SNTG1: variants seen among roughly 807,000 people sequenced by gnomAD.
SNTG1 encodes syntrophin gamma 1.
Under a neutral mutation model 74.7 loss-of-function variants are expected in SNTG1, and 39 were observed. The ratio of observed to expected loss-of-function variants is 0.52; its 90% CI spans 0.40 to 0.68. The LOEUF is 0.68. Ranked by LOEUF, SNTG1 falls within the 30% of genes least tolerant of loss-of-function variation. SNTG1 has a pLI of 0.00. For synonymous variants in SNTG1, 254 were observed against 217.1 expected, an observed-to-expected ratio of 1.17 and a Z score of -1.49; for missense variants, 685 against 609.5, an observed-to-expected ratio of 1.12 and a Z score of -1.30.
intron 1 of SNTG1, among the ~76,000 whole-genome samples, chr8:49,952,777 T>G (rs903311393): frequency 1.3e-5 from 2 of 152,174 alleles, no homozygotes; most frequent in Non-Finnish European, 2.9e-5. Flanking sequence ...CAGAGTTAAA[T>G]ATATAGGACT....
intron 2 of SNTG1, among the ~76,000 whole-genome samples, chr8:50,324,136 T>G (rs1191824552): frequency 6.6e-6 from 1 of 152,136 alleles, no homozygotes; most frequent in Non-Finnish European, 1.5e-5. Flanking sequence ...CAGAGAAACT[T>G]CCAACTGCTG....
chr8:50,556,075 A>C (rs1378834151), intron 12 of SNTG1, among the ~76,000 whole-genome samples: 1 of 152,184 alleles, frequency 6.6e-6, no homozygotes, highest in South Asian at 2.1e-4. Context: ...TCTTCCAGAA[A>C]TAATTGATCA....
At chr8:50,298,733 T>C (rs1019995082) in intron 2 of SNTG1, among the ~76,000 whole-genome samples, 2 of 152,160 alleles carry the variant, frequency 1.3e-5, no homozygotes, top group Non-Finnish European at 2.9e-5. Flanking sequence ...CCTTATTGTA[T>C]GTGAAGAGTG....
chr8:50,691,721 T>C (rs1305182405), intron 15 of SNTG1, among the ~76,000 whole-genome samples: 1 of 152,190 alleles, frequency 6.6e-6, no homozygotes, highest in Non-Finnish European at 1.5e-5. Context: ...CTGAAAATTG[T>C]GTGTCTTGGA....
chr8:50,174,944 G>A (rs560619016), intron 2 of SNTG1, among the ~76,000 whole-genome samples: 1 of 143,442 alleles, frequency 7.0e-6, no homozygotes, highest in African/African-American at 2.6e-5. Context: ...TTCCACCTAT[G>A]AGTGAGAACA....
chr8:49,911,661 C>T lies in SNTG1; in HGVS notation c.-673C>T, dbSNP rs1172496693. The stretch of plus-strand genomic sequence containing the variant: ...ATTCGCTGGTGGAGGAAAGTGCGAC[C>T]TGGACCTGCGCTTAGGGGCTCCCGT... On this transcript the variant is annotated 5_prime_UTR_variant, in exon 1 of 19. Coordinates refer to ENST00000642720, the MANE Select transcript of SNTG1 (RefSeq NM_018967.5). The T allele has an allele frequency of 6.6e-6, 1 of 152,306 alleles. No individual in the cohort carries two copies. Among genetic ancestry groups the T allele is most frequent in the African/African-American group, 2.4e-5 (1 of 41,440 alleles). 9.4% of individuals were successfully genotyped at this position (152,306 alleles called of 1,614,324 possible).
At chr8:50,043,992 C>T (rs1273327006) in intron 1 of SNTG1, among the ~76,000 whole-genome samples, 2 of 152,134 alleles carry the variant, frequency 1.3e-5, no homozygotes, top group African/African-American at 2.4e-5. Context: ...TCTATGATAA[C>T]ACTAATCACA....
intron 12 of SNTG1, among the ~76,000 whole-genome samples, chr8:50,583,151 T>C (rs2094622219): frequency 6.6e-6 from 1 of 151,982 alleles, no homozygotes; most frequent in Admixed American, 6.6e-5. Context: ...CCTGTAATCT[T>C]AAGTACTTTG....
chr8:50,380,399 G>A (rs2092460856), intron 2 of SNTG1, among the ~76,000 whole-genome samples: 1 of 152,110 alleles, frequency 6.6e-6, no homozygotes, highest in Non-Finnish European at 1.5e-5. Flanking sequence ...CAAAGAGATA[G>A]GAGATAAATT....
At chr8:50,450,274 G>A (rs770058392) in intron 6 of SNTG1, among the ~76,000 whole-genome samples, 24 of 152,284 alleles carry the variant, frequency 1.6e-4, no homozygotes, top group East Asian at 7.7e-4. Flanking sequence ...TCTTAAGTGC[G>A]TGAGAAAATG....
chr8:50,563,699 A>G (rs1563581003), intron 12 of SNTG1, among the ~76,000 whole-genome samples: 1 of 152,146 alleles, frequency 6.6e-6, no homozygotes, highest in Non-Finnish European at 1.5e-5. Flanking sequence ...TCTAGTTGCA[A>G]ATCAAGACAA....
chr8:50,006,578 A>C (rs1156595433), intron 1 of SNTG1, among the ~76,000 whole-genome samples: 1 of 152,200 alleles, frequency 6.6e-6, no homozygotes, highest in Non-Finnish European at 1.5e-5. Flanking sequence ...GTTTGGATTT[A>C]GCACATAGGT....
At chr8:50,722,697 G>A (rs2095490681) in intron 17 of SNTG1, among the ~76,000 whole-genome samples, 1 of 152,146 alleles carries the variant, frequency 6.6e-6, no homozygotes, top group Non-Finnish European at 1.5e-5. Flanking sequence ...GCCATTGACA[G>A]TCTTCAATGA....
chr8:50,577,020 T>C (rs1422271134), intron 12 of SNTG1, among the ~76,000 whole-genome samples: 2 of 152,192 alleles, frequency 1.3e-5, no homozygotes, highest in Non-Finnish European at 2.9e-5. Flanking sequence ...CAGGCATCTT[T>C]GTCTTGTTCC....
intron 2 of SNTG1, among the ~76,000 whole-genome samples, chr8:50,299,178 T>C (rs917413048): frequency 6.6e-5 from 10 of 151,918 alleles, no homozygotes; most frequent in African/African-American, 9.7e-5. Context: ...AAGGGTACCA[T>C]GAGAAAGAGA....
intron 1 of SNTG1, among the ~76,000 whole-genome samples, chr8:50,114,529 G>A (rs2080736304): frequency 6.6e-6 from 1 of 152,084 alleles, no homozygotes; most frequent in Non-Finnish European, 1.5e-5. Context: ...CTGAGGGAAA[G>A]GAAACTGGGG....
rs2131351393 is a variant in SNTG1, at chr8:50,120,258, A to C, written c.-102-52303A>C. 1.4e-5 allele frequency among the ~76,000 whole-genome samples: 2 copies of C among 140,762 alleles called. 1 individual carries two copies. The highest frequency in any genetic ancestry group is 1.5e-4 in the Admixed American group (2 of 13,518). 92.3% of individuals were successfully genotyped at this position (140,762 alleles called of 152,430 possible). A position where few individuals can be genotyped will look rare whatever the true frequency, so the allele number is the denominator to read the frequency against. ...AACACTTAAGAAAAAGTTAGATCTT[A>C]GTATACTAGCTATTACTAGCTATTA... On this transcript the variant is annotated intron_variant, in intron 1 of 18. Transcript: ENST00000642720.
intron 1 of SNTG1, among the ~76,000 whole-genome samples, chr8:50,040,919 G>A (rs932723785): frequency 2.6e-5 from 4 of 152,000 alleles, no homozygotes; most frequent in African/African-American, 7.2e-5. Flanking sequence ...TTTTTGAGAC[G>A]GAGTTTTGCT....
intron 1 of SNTG1, among the ~76,000 whole-genome samples, chr8:50,068,245 G>A (rs1821062567): frequency 6.6e-6 from 1 of 152,060 alleles, no homozygotes; most frequent in Non-Finnish European, 1.5e-5. Context: ...ACTGAGAGAG[G>A]CTCTGGGAAT....
Sources: gnomAD v4.1 joint callset for allele counts (sites outside exome capture counted in the v4.1 genomes callset) on GRCh38, gnomAD v4.1.1 for gene constraint, MANE v1.5 for transcripts, NCBI Gene and HGNC (gene_info 2026-07-23, HGNC 2026-07-21) for gene names.